The following CPEB2 variants were observed in gnomAD, a reference collection of about 807,000 sequenced individuals.
CPEB2 encodes the protein cytoplasmic polyadenylation element binding protein 2, also known as cytoplasmic polyadenylation element-binding protein 2.
CPEB2 carries 56 observed loss-of-function variants against 93.6 expected under a neutral mutation model. The observed-to-expected ratio is 0.60, with a 90% CI of 0.48 to 0.75. The LOEUF is 0.75. CPEB2 is among the 30% of genes least tolerant of loss of function. The pLI is 0.00. For synonymous variants in CPEB2, 764 were observed against 586.3 expected, an observed-to-expected ratio of 1.30 and a Z score of -4.38; for missense variants, 1,579 against 1,395.1, an observed-to-expected ratio of 1.13 and a Z score of -2.10.
chr4:15,062,537 T>G (rs1032152101), intron 11 of CPEB2, among the ~76,000 whole-genome samples: 2 of 152,190 alleles, frequency 1.3e-5, no homozygotes, highest in African/African-American at 2.4e-5. Flanking sequence ...AGGCAGAGGT[T>G]GTTTTAAGAG....
At position 15,068,234 on chromosome 4, in the gene CPEB2, A is replaced by G. The variant is rs1215702402; in HGVS notation, c.*1854A>G. ...GGTTGTCTGTGGTGTGCTTTTTTGT[A>G]CTGTAAAAATATGTGGTTCATGTCT... On this transcript the variant is annotated 3_prime_UTR_variant, in exon 12 of 12. Coordinates refer to ENST00000538197, the MANE Select transcript of CPEB2 (RefSeq NM_001177382.2). The G allele has an allele frequency of 6.6e-6, 1 of 152,236 alleles. No homozygotes were observed. Among genetic ancestry groups the G allele is most frequent in the Non-Finnish European group, 1.5e-5 (1 of 67,836 alleles). The allele number at this position is 152,236 out of a possible 1,614,324, so 9.4% of individuals were successfully genotyped here.
Position 15,003,354 on chromosome 4 carries a change from C to A in CPEB2, c.681C>A (p.Arg227=), listed in dbSNP as rs1396395896. ...PLLQPAQLAQ[R]QQQQPPQQFS... Reference sequence around the variant, plus strand: ...TCCAGCCGGCGCAGCTCGCTCAGCGCCAGCAGCAACAGCCGCCGCAGCAGT... The same window carrying A: ...TCCAGCCGGCGCAGCTCGCTCAGCGACAGCAGCAACAGCCGCCGCAGCAGT... Residue 227 remains arginine, a synonymous_variant, in exon 1 of 12, where the codon CGC becomes CGA. Transcript: ENST00000538197. 7.9e-6 allele frequency: 11 copies of A among 1,389,338 alleles called. No homozygotes were observed. The highest frequency in any genetic ancestry group is 9.2e-7 in the Non-Finnish European group (1 of 1,084,714). 86.1% of individuals were successfully genotyped at this position (1,389,338 alleles called of 1,614,324 possible).
intron 3 of CPEB2, among the ~76,000 whole-genome samples, chr4:15,011,988 G>A (rs1723554943): frequency 1.3e-5 from 2 of 151,978 alleles, no homozygotes; most frequent in Non-Finnish European, 2.9e-5. Context: ...ATGATAATGT[G>A]GTAAATCATA....
chr4:15,050,602 A>G (rs1424252726), intron 6 of CPEB2, among the ~76,000 whole-genome samples: 2 of 152,208 alleles, frequency 1.3e-5, no homozygotes, highest in African/African-American at 4.8e-5. Flanking sequence ...TTCACAGATC[A>G]TGTATGTCCT....
intron 3 of CPEB2, among the ~76,000 whole-genome samples, chr4:15,011,386 C>T (rs913793826): frequency 2.6e-5 from 4 of 152,110 alleles, no homozygotes; most frequent in South Asian, 2.1e-4. Flanking sequence ...AGGCTTGAGC[C>T]ATCATGCCTG....
In CPEB2 at chr4:15,017,226, T is replaced by C. The variant is rs778644757; in HGVS notation, c.2073T>C (p.Ser691=). The C allele has an allele frequency of 6.9e-6, 11 of 1,604,364 alleles. No individual in the cohort carries two copies. The highest frequency in any genetic ancestry group is 9.4e-6 in the Non-Finnish European group (11 of 1,173,212). The change falls in exon 4 of 12, where the codon TCT becomes TCC. Residue 691 remains serine (S), a synonymous_variant. Coordinates refer to ENST00000538197, the MANE Select transcript of CPEB2 (RefSeq NM_001177382.2). ...TGTATGACAGTTTGAATATGCACTC[T>C]TTGGAAAATTCCCTTATCGATATTA... ...SRMYDSLNMH[S]LENSLIDIMR... is the part of the protein sequence containing the mutation.
chr4:15,020,313 A>G (rs1030813197), intron 4 of CPEB2, among the ~76,000 whole-genome samples: 4 of 152,132 alleles, frequency 2.6e-5, no homozygotes, highest in African/African-American at 9.7e-5. Context: ...CCACAGAGGT[A>G]AAAGGCAGAG....
chr4:15,039,811 T>C (rs1047080027), intron 5 of CPEB2, among the ~76,000 whole-genome samples: 2 of 152,140 alleles, frequency 1.3e-5, no homozygotes, highest in Non-Finnish European at 2.9e-5. Context: ...GGTAGACACA[T>C]AAACAATTAG....
chr4:15,043,130 C>T (rs1397571333), intron 6 of CPEB2, among the ~76,000 whole-genome samples: 9 of 152,094 alleles, frequency 5.9e-5, no homozygotes. Context: ...AGCCCAGGCA[C>T]GAAACTGTTT....
In CPEB2 at chr4:15,038,818, G is replaced by T. The variant is rs182040611; in HGVS notation, c.2177-1646G>T. On this transcript the variant is annotated intron_variant, in intron 5 of 11. Transcript: ENST00000538197. ...TGGTCAGGCTGGTCTCCAACTCCTG[G>T]ACTCAGGTGATCCACCCGCCTCAGC... Among the ~76,000 whole-genome samples, 932 of 152,038 alleles carry T rather than the reference G, an allele frequency of 6.1e-3. 5 individuals are homozygous for T. The highest frequency in any genetic ancestry group is 0.01 in the Middle Eastern group (3 of 294).
Position 15,003,117 on chromosome 4 carries a change from C to T in CPEB2, c.444C>T (p.Ser148=), listed in dbSNP as rs1722200456. The stretch of plus-strand genomic sequence containing the variant: ...TCAAACCGAGTCTGCACCACCCCTC[C>T]TCCTCCTCCGCCTCCTCCTGCTGCT... The part of the protein sequence containing the change: ...QDFKPSLHHP[S]SSSASSCCCC... The change falls in exon 1 of 12, where the codon TCC becomes TCT. Residue 148 remains serine, a synonymous_variant. Transcript: ENST00000538197. The T allele has an allele frequency of 6.5e-7, 1 of 1,533,274 alleles. No individual in the cohort carries two copies. Among genetic ancestry groups the T allele is most frequent in the African/African-American group, 1.4e-5 (1 of 72,632 alleles). 95.0% of individuals were successfully genotyped at this position (1,533,274 alleles called of 1,614,324 possible).
intron 6 of CPEB2, among the ~76,000 whole-genome samples, chr4:15,045,243 A>G (rs1450975557): frequency 6.6e-6 from 1 of 152,166 alleles, no homozygotes; most frequent in Non-Finnish European, 1.5e-5. Flanking sequence ...CCTGGGTTAT[A>G]ATTAATCTTC....
chr4:15,003,254 AGCCGCC>A lies in CPEB2; in HGVS notation c.591_596del (p.Pro200_Pro201del), dbSNP rs560468327. ...CACCTTCCCCACCCTCCGGACTCGA[AGCCGCC>A]GCCGCCGCCTCCGCCGCTCCACTGC... On this transcript the variant is annotated inframe_deletion, in exon 1 of 12. Coordinates refer to ENST00000538197, the MANE Select transcript of CPEB2 (RefSeq NM_001177382.2). 4 of 1,520,958 alleles carry A rather than the reference AGCCGCC, an allele frequency of 2.6e-6. No homozygotes were observed. In the Admixed American group the frequency reaches 6.0e-5, roughly 23 times the overall value. 94.2% of individuals were successfully genotyped at this position (1,520,958 alleles called of 1,614,324 possible).
chr4:15,036,670 G>A (rs1328331317), intron 5 of CPEB2, among the ~76,000 whole-genome samples: 1 of 152,050 alleles, frequency 6.6e-6, no homozygotes, highest in Non-Finnish European at 1.5e-5. Context: ...AGTACGTAAC[G>A]TTTTTCAAGA....
intron 4 of CPEB2, among the ~76,000 whole-genome samples, chr4:15,022,125 C>T (rs138414173): frequency 3.9e-5 from 6 of 152,244 alleles, no homozygotes; most frequent in African/African-American, 7.2e-5. Flanking sequence ...GAGACTGTGT[C>T]AACCATGTGG....
At chr4:15,010,600 T>G (rs1723345324) in intron 3 of CPEB2, 1 of 152,176 alleles carries the variant, frequency 6.6e-6, no homozygotes, top group South Asian at 2.1e-4. Flanking sequence ...TATCTTAAAA[T>G]GTTGGGTAGT....
intron 4 of CPEB2, among the ~76,000 whole-genome samples, chr4:15,026,894 A>G (rs1280392119): frequency 2.0e-5 from 3 of 152,222 alleles, no homozygotes; most frequent in African/African-American, 7.2e-5. Context: ...GGCTGTAAAC[A>G]TAATATTGCC....
intron 5 of CPEB2, among the ~76,000 whole-genome samples, chr4:15,034,228 C>T (rs983027065): frequency 1.3e-5 from 2 of 152,118 alleles, no homozygotes; most frequent in Non-Finnish European, 2.9e-5. Context: ...TCTAAGCACT[C>T]GGTTATCTAA....
rs1347655826 is a variant in CPEB2 at position 15,003,722 on chromosome 4, C to CGGGCGG, written c.1050_1055dup (p.Gly359_Gly360dup). 19 of 1,253,250 alleles carry CGGGCGG rather than the reference C, an allele frequency of 1.5e-5. No individual in the cohort carries two copies. Among genetic ancestry groups the CGGGCGG allele is most frequent in the Non-Finnish European group, 1.9e-5 (19 of 999,414 alleles). The allele number at this position is 1,253,250 out of a possible 1,614,324, so 77.6% of individuals were successfully genotyped here. On this transcript the variant is annotated inframe_insertion, in exon 1 of 12. Coordinates refer to ENST00000538197, the MANE Select transcript of CPEB2 (RefSeq NM_001177382.2). Reference sequence around the variant, plus strand: ...CTGCAGAGCCCGGACCTTCCACACCCGGGCGGCGGCGGCGGCGGCGGGGGC... The same window carrying CGGGCGG: ...CTGCAGAGCCCGGACCTTCCACACCCGGGCGGGGGCGGCGGCGGCGGCGGCGGGGGC...
Sources: gnomAD v4.1 joint callset for allele counts (sites outside exome capture counted in the v4.1 genomes callset) on GRCh38, gnomAD v4.1.1 for gene constraint, MANE v1.5 for transcripts, NCBI Gene and HGNC (gene_info 2026-07-23, HGNC 2026-07-21) for gene names.